Variants in BABAM2 observed in about 807,000 individuals in gnomAD.
BABAM2 encodes BRISC and BRCA1-A complex member 2.
Under a neutral mutation model 54.7 loss-of-function variants are expected in BABAM2, and 31 were observed. That is an observed-to-expected ratio of 0.57 (90% CI 0.43 to 0.77). BABAM2 has a LOEUF of 0.77. Among genes scored for constraint, BABAM2 ranks in the 30% least tolerant of loss-of-function variants. The pLI, the probability that BABAM2 is intolerant of heterozygous loss-of-function variation, is 0.00. For synonymous variants in BABAM2, 167 were observed against 162.9 expected (o/e 1.03, Z -0.19); for missense variants, 364 against 455.8 (o/e 0.80, Z 1.83).
intron 3 of BABAM2, among the ~76,000 whole-genome samples, chr2:27,986,006 TG>T (rs1441761305): frequency 6.6e-6 from 1 of 152,168 alleles, no homozygotes; most frequent in Non-Finnish European, 1.5e-5. Context: ...GACAATTTAG[TG>T]GGCTCATAAA....
At chr2:28,298,273 C>CA (rs551838727) in intron 10 of BABAM2, 65 bp from the exon 11 acceptor site, 14,875 of 1,151,530 alleles carry the variant, frequency 0.013, 1 homozygote, top group South Asian at 0.017. Flanking sequence ...CGGATTTAGT[C>CA]AAAAAAAAAA....
At chr2:27,953,192 T>A (rs1669860119) in intron 3 of BABAM2, among the ~76,000 whole-genome samples, 1 of 151,908 alleles carries the variant, frequency 6.6e-6, no homozygotes, top group South Asian at 2.1e-4. Flanking sequence ...ATTTTTTAAT[T>A]TTCTTTGAGA....
intron 7 of BABAM2, among the ~76,000 whole-genome samples, chr2:28,187,115 A>C (rs1260383024): frequency 6.6e-6 from 1 of 152,090 alleles, no homozygotes; most frequent in Non-Finnish European, 1.5e-5. Context: ...GGAATTCAAC[A>C]TTTTTAATAA....
intron 4 of BABAM2, chr2:28,016,600 C>G: frequency 2.0e-6 from 1 of 511,970 alleles, no homozygotes; most frequent in Non-Finnish European, 3.6e-6. Flanking sequence ...CCAGAATCCA[C>G]TGTGTTTTAG....
intron 7 of BABAM2, among the ~76,000 whole-genome samples, chr2:28,230,012 G>T (rs1681226652): frequency 6.6e-6 from 1 of 152,178 alleles, no homozygotes. Flanking sequence ...AGTTGTCATT[G>T]TCTCAACATT....
chr2:28,045,581 A>G (rs933380308), intron 5 of BABAM2, 144 bp from the exon 6 acceptor site: 4 of 526,838 alleles, frequency 7.6e-6, no homozygotes, highest in Admixed American at 7.2e-5. Flanking sequence ...TACTTTTCCA[A>G]CCTTCTTTTC....
At chr2:28,054,921 G>A (rs1449001960) in intron 6 of BABAM2, among the ~76,000 whole-genome samples, 1 of 152,124 alleles carries the variant, frequency 6.6e-6, no homozygotes, top group Admixed American at 6.5e-5. Context: ...AAATGGTTTT[G>A]ATTTCATTAA....
chr2:28,296,536 T>C (rs1418078415), intron 10 of BABAM2, among the ~76,000 whole-genome samples: 1 of 152,192 alleles, frequency 6.6e-6, no homozygotes, highest in Admixed American at 6.5e-5. Context: ...TTTTTGATTC[T>C]CGGGAGTTTT....
chr2:28,086,595 A>G (rs1213805571), intron 6 of BABAM2, among the ~76,000 whole-genome samples: 1 of 152,226 alleles, frequency 6.6e-6, no homozygotes, highest in Non-Finnish European at 1.5e-5. Flanking sequence ...TGAAGGAAGG[A>G]GAATATTGAA....
intron 6 of BABAM2, among the ~76,000 whole-genome samples, chr2:28,073,096 C>T (rs1664319146): frequency 6.6e-6 from 1 of 152,210 alleles, no homozygotes; most frequent in Admixed American, 6.5e-5. Context: ...ATCAGTAGGA[C>T]TTAAGCTCTC....
intron 2 of BABAM2, among the ~76,000 whole-genome samples, chr2:27,926,231 G>C (rs1667697103): frequency 6.6e-6 from 1 of 152,010 alleles, no homozygotes; most frequent in South Asian, 2.1e-4. Flanking sequence ...AGTGTGATCT[G>C]TCCCTTCCTT....
In BABAM2 at chr2:28,234,909, A is replaced by G. The variant is rs115613451; in HGVS notation, c.681-2293A>G. Among the ~76,000 whole-genome samples, 1,400 of 152,348 alleles carry G rather than the reference A, an allele frequency of 9.2e-3. 23 individuals are homozygous for G. Among genetic ancestry groups the G allele is most frequent in the African/African-American group, 0.031 (1,287 of 41,568 alleles). On this transcript the variant is annotated intron_variant, in intron 7 of 11. Coordinates refer to ENST00000379624, the MANE Select transcript of BABAM2 (RefSeq NM_199191.3). ...CTAGCCATCTTTAGAGTTTAGGCTA[A>G]ATCTAATCCAATGCCTACTCTAAGC...
At chr2:27,912,247 C>CTT (rs1015566444) in intron 2 of BABAM2, among the ~76,000 whole-genome samples, 1 of 147,040 alleles carries the variant, frequency 6.8e-6, no homozygotes, top group Non-Finnish European at 1.5e-5. Flanking sequence ...ACTCCTTATT[C>CTT]TTTTTTTTTT....
chr2:27,991,799 T>A (rs1672797025), intron 4 of BABAM2, among the ~76,000 whole-genome samples: 1 of 152,244 alleles, frequency 6.6e-6, no homozygotes, highest in African/African-American at 2.4e-5. Flanking sequence ...TTGATAGACT[T>A]ACAGGTTGTT....
At chr2:28,182,310 A>G (rs559745014) in intron 7 of BABAM2, among the ~76,000 whole-genome samples, 1 of 152,156 alleles carries the variant, frequency 6.6e-6, no homozygotes, top group Non-Finnish European at 1.5e-5. Flanking sequence ...AGAAGATATT[A>G]CAGGGTCTGT....
intron 3 of BABAM2, among the ~76,000 whole-genome samples, chr2:27,957,341 G>A (rs1486937299): frequency 6.6e-6 from 1 of 152,098 alleles, no homozygotes; most frequent in Non-Finnish European, 1.5e-5. Flanking sequence ...AGTATTTGAT[G>A]GCCTCCATTT....
At chr2:28,097,458 CT>C (rs1479896651) in intron 6 of BABAM2, among the ~76,000 whole-genome samples, 2 of 151,940 alleles carry the variant, frequency 1.3e-5, no homozygotes, top group Non-Finnish European at 2.9e-5. Flanking sequence ...CTTTAATTAC[CT>C]TTATCAAGTT....
chr2:27,902,671 G>A (rs865854362), intron 2 of BABAM2, among the ~76,000 whole-genome samples: 2 of 152,020 alleles, frequency 1.3e-5, no homozygotes, highest in Non-Finnish European at 2.9e-5. Flanking sequence ...TCCTTTGTTC[G>A]TCTTTTAAGT....
At chr2:28,179,675 G>A (rs1291996468) in intron 7 of BABAM2, among the ~76,000 whole-genome samples, 2 of 152,098 alleles carry the variant, frequency 1.3e-5, no homozygotes, top group Non-Finnish European at 2.9e-5. Flanking sequence ...TCAGAAAAGA[G>A]GAAGTTAAAT....
Sources: gnomAD v4.1 joint callset for allele counts (sites outside exome capture counted in the v4.1 genomes callset) on GRCh38, gnomAD v4.1.1 for gene constraint, MANE v1.5 for transcripts, NCBI Gene and HGNC (gene_info 2026-07-23, HGNC 2026-07-21) for gene names.